Variants in TNIP3 observed in about 807,000 individuals in gnomAD.
TNIP3 encodes TNFAIP3 interacting protein 3.
A neutral mutation model predicts 54.1 loss-of-function variants in TNIP3; 34 were observed. The ratio of observed to expected loss-of-function variants is 0.63; its 90% CI spans 0.48 to 0.84. TNIP3 has a LOEUF of 0.84. TNIP3 is among the 40% of genes least tolerant of loss of function. TNIP3 has a pLI of 0.00. For synonymous variants in TNIP3, 134 were observed against 136.8 expected, an observed-to-expected ratio of 0.98 and a Z score of 0.14; for missense variants, 366 against 387.6, an observed-to-expected ratio of 0.94 and a Z score of 0.47.
At chr4:121,151,541 TTA>T (rs1056067587) in intron 5 of TNIP3, among the ~76,000 whole-genome samples, 1 of 152,100 alleles carries the variant, frequency 6.6e-6, no homozygotes, top group African/African-American at 2.4e-5. Flanking sequence ...GTTTAATAAT[TTA>T]TGTTTTTTGA....
chr4:121,209,495 G>T lies in TNIP3; in HGVS notation c.68+6920C>A, dbSNP rs984107742. On this transcript the variant is annotated intron_variant, in intron 2 of 12. Transcript: ENST00000507879. ...TGGAGAGTTGTGGGAAAAAAACTAC[G>T]CATTTGTGGTCAGAAAAAAGATGTC... Among the ~76,000 whole-genome samples, 3 of 152,228 alleles carry T rather than the reference G, an allele frequency of 2.0e-5. No individual in the cohort carries two copies. The South Asian group carries it at 6.2e-4, about 32-fold the overall frequency.
At chr4:121,226,202 G>A (rs1350975321) in intron 1 of TNIP3, among the ~76,000 whole-genome samples, 1 of 151,802 alleles carries the variant, frequency 6.6e-6, no homozygotes, top group Non-Finnish European at 1.5e-5. Context: ...GACAGAGAGT[G>A]ACAGGAAAAG....
Position 121,203,388 on chromosome 4 carries a change from T to C in TNIP3, c.68+13027A>G, listed in dbSNP as rs1579488115. On this transcript the variant is annotated intron_variant, in intron 2 of 12. Coordinates refer to the TNIP3 transcript ENST00000507879. The stretch of plus-strand genomic sequence containing the variant: ...CAAGAATGGAAAAACAAACATCATA[T>C]GTTCTCACTCACAAGTGGGAGCTAA... Among the ~76,000 whole-genome samples, 3 of 152,322 alleles carry C rather than the reference T, an allele frequency of 2.0e-5. No individual in the cohort carries two copies. The South Asian group carries it at 6.2e-4, about 32-fold the overall frequency.
At chr4:121,157,398 G>T in intron 3 of TNIP3, 155 bp from the exon 4 acceptor site, 1 of 897,132 alleles carries the variant, frequency 1.1e-6, no homozygotes, top group Non-Finnish European at 1.7e-6. Context: ...ACACAGATCG[G>T]GATACTCGCG....
At chr4:121,180,895 C>G (rs1724654378) in intron 3 of TNIP3, among the ~76,000 whole-genome samples, 1 of 152,218 alleles carries the variant, frequency 6.6e-6, no homozygotes, top group Non-Finnish European at 1.5e-5. Context: ...GGTCTCACCT[C>G]TTACCCTCTC....
At chr4:121,145,048 C>T (rs749934905) in intron 7 of TNIP3, among the ~76,000 whole-genome samples, 3 of 152,178 alleles carry the variant, frequency 2.0e-5, no homozygotes, top group Admixed American at 6.5e-5. Flanking sequence ...ACTGACTTAA[C>T]GCATCCTCAG....
At chr4:121,208,383 A>G (rs1560693772) in intron 2 of TNIP3, among the ~76,000 whole-genome samples, 1 of 152,182 alleles carries the variant, frequency 6.6e-6, no homozygotes, top group South Asian at 2.1e-4. Context: ...AGCCACCCAG[A>G]TCAATAAACT....
intron 2 of TNIP3, among the ~76,000 whole-genome samples, chr4:121,196,926 AT>A (rs1371700792): frequency 5.9e-5 from 9 of 152,068 alleles, no homozygotes; most frequent in South Asian, 2.1e-4. Context: ...CATTAAAAAA[AT>A]GTAAGAAATA....
intron 7 of TNIP3, among the ~76,000 whole-genome samples, chr4:121,143,653 G>T (rs985351125): frequency 3.3e-5 from 5 of 152,140 alleles, no homozygotes; most frequent in African/African-American, 1.2e-4. Flanking sequence ...ACTGCTCCTA[G>T]GAGAAATGTT....
chr4:121,147,580 T>G (rs542041558), intron 6 of TNIP3, among the ~76,000 whole-genome samples: 2 of 152,216 alleles, frequency 1.3e-5, no homozygotes, highest in Non-Finnish European at 1.5e-5. Flanking sequence ...AATATTTGAG[T>G]GGAACACCTC....
At chr4:121,177,172 A>T (rs1187392134) in intron 3 of TNIP3, among the ~76,000 whole-genome samples, 2 of 152,212 alleles carry the variant, frequency 1.3e-5, no homozygotes, top group African/African-American at 4.8e-5. Flanking sequence ...ATGACTGCAG[A>T]TTCATATATT....
At chr4:121,186,608 C>T (rs942947786) in intron 2 of TNIP3, among the ~76,000 whole-genome samples, 1 of 152,140 alleles carries the variant, frequency 6.6e-6, no homozygotes, top group African/African-American at 2.4e-5. Context: ...TGCTGTGAGG[C>T]TGACAGTAGG....
chr4:121,203,342 A>G (rs1301403020), intron 2 of TNIP3, among the ~76,000 whole-genome samples: 2 of 152,180 alleles, frequency 1.3e-5, no homozygotes, highest in Non-Finnish European at 2.9e-5. Context: ...ATTAGAGACC[A>G]TTATTCTAAG....
chr4:121,169,090 T>A (rs116640612), upstream of TNIP3, among the ~76,000 whole-genome samples: 782 of 152,204 alleles, frequency 5.1e-3, 4 homozygotes, highest in African/African-American at 0.018. Context: ...TTTTAAAATG[T>A]CATTTCATGT....
chr4:121,201,347 C>T (rs564867775), intron 2 of TNIP3, among the ~76,000 whole-genome samples: 1 of 152,046 alleles, frequency 6.6e-6, no homozygotes, highest in Non-Finnish European at 1.5e-5. Context: ...GCAGCAGGGT[C>T]CAGAGTGGAA....
intron 2 of TNIP3, chr4:121,182,835 G>T (rs1724793969): frequency 6.5e-7 from 1 of 1,531,262 alleles, no homozygotes; most frequent in African/African-American, 1.4e-5. Context: ...TTATACAAAG[G>T]TAATTAAAAA....
chr4:121,141,047 T>A (rs1360116792), intron 9 of TNIP3, among the ~76,000 whole-genome samples: 3 of 152,178 alleles, frequency 2.0e-5, no homozygotes, highest in Non-Finnish European at 2.9e-5. Context: ...AAATCTTAGA[T>A]TTTTTCATCA....
At chr4:121,185,487 C>T (rs1442666494) in intron 2 of TNIP3, among the ~76,000 whole-genome samples, 1 of 152,112 alleles carries the variant, frequency 6.6e-6, no homozygotes, top group Non-Finnish European at 1.5e-5. Context: ...TTTCTCCTCC[C>T]TTGCCCCATC....
intron 3 of TNIP3, among the ~76,000 whole-genome samples, chr4:121,170,920 A>T (rs1418226799): frequency 6.6e-6 from 1 of 152,084 alleles, no homozygotes; most frequent in Non-Finnish European, 1.5e-5. Context: ...GGTTCAAGAA[A>T]TTCTCCTGCC....
Sources: allele counts gnomAD v4.1 joint callset (sites outside exome capture counted in the v4.1 genomes callset), GRCh38; gene constraint gnomAD v4.1.1; transcripts MANE v1.5; gene names NCBI Gene and HGNC (gene_info 2026-07-23, HGNC 2026-07-21).